Variants in CLUL1 observed in about 807,000 individuals in gnomAD.
CLUL1 encodes the protein clusterin-like protein 1.
A neutral mutation model predicts 49.4 loss-of-function variants in CLUL1; 43 were observed. That is an observed-to-expected ratio of 0.87 (90% CI 0.68 to 1.12). The LOEUF (loss-of-function observed/expected upper bound fraction) is 1.12. Among genes scored for constraint, CLUL1 ranks in the 50% most tolerant of loss-of-function variants. CLUL1 has a pLI of 0.00. For synonymous variants in CLUL1, 192 were observed against 184.9 expected, an observed-to-expected ratio of 1.04 and a Z score of -0.31; for missense variants, 486 against 544.4, an observed-to-expected ratio of 0.89 and a Z score of 1.07.
chr18:637,974 T>A lies in CLUL1; in HGVS notation c.995-3353T>A, dbSNP rs200148269. On this transcript the variant is annotated intron_variant, in intron 7 of 9. Coordinates refer to ENST00000692774, the MANE Select transcript of CLUL1 (RefSeq NM_001393344.1). ...AGAGCGAGACTCTGTCTTGAAAAAATAATAATAATAATAAACAGATAAATA... is the reference window on the plus strand; with the variant it reads ...AGAGCGAGACTCTGTCTTGAAAAAAAAATAATAATAATAAACAGATAAATA... Among the ~76,000 whole-genome samples, 108 of 150,434 alleles carry A rather than the reference T, an allele frequency of 7.2e-4. 1 individual carries two copies. In the East Asian group the frequency reaches 0.017, roughly 23 times the overall value.
chr18:629,064 G>A (rs761974372), intron 6 of CLUL1, among the ~76,000 whole-genome samples: 6 of 152,156 alleles, frequency 3.9e-5, no homozygotes, highest in Non-Finnish European at 7.4e-5. Context: ...CTCTACATAG[G>A]AGAGGTTTAC....
Position 597,137 on chromosome 18 carries a change from C to T in CLUL1, c.-136+8C>T, listed in dbSNP as rs912371410. On this transcript the variant is annotated splice_region_variant and intron_variant, in intron 1 of 9. Coordinates refer to ENST00000692774, the MANE Select transcript of CLUL1 (RefSeq NM_001393344.1). ...GCATCTTAGGAATGACAGGTGAGAA[C>T]ATCCTCCGGGCCCCAGATTTCTCTC... 14 of 152,884 alleles carry T rather than the reference C, an allele frequency of 9.2e-5. No homozygotes were observed. Among genetic ancestry groups the T allele is most frequent in the African/African-American group, 3.4e-4 (14 of 41,480 alleles). The allele number at this position is 152,884 out of a possible 1,614,324, so 9.5% of individuals were successfully genotyped here. A position where few individuals can be genotyped will look rare whatever the true frequency, so the allele number is the denominator to read the frequency against.
intron 1 of CLUL1, among the ~76,000 whole-genome samples, chr18:600,789 A>C (rs1345546960): frequency 6.6e-6 from 1 of 152,232 alleles, no homozygotes; most frequent in Non-Finnish European, 1.5e-5. Context: ...TACAAAACGC[A>C]AGATAACTGT....
rs146349134 is a variant in CLUL1 at position 636,000 on chromosome 18, G to A, written c.994+2565G>A. Among the ~76,000 whole-genome samples the A allele has an allele frequency of 5.1e-3, 779 of 152,196 alleles. 7 individuals are homozygous for A. The highest frequency in any genetic ancestry group is 0.017 in the African/African-American group (706 of 41,514). ...TCCTCCCACCTCAGCCTCCCAAAGC[G>A]CTGGGATTACAGGTGTGAGCCATCG... On this transcript the variant is annotated intron_variant, in intron 7 of 9. Transcript: ENST00000692774.
At chr18:646,858 T>C (rs745902238) in intron 9 of CLUL1, among the ~76,000 whole-genome samples, 3 of 151,990 alleles carry the variant, frequency 2.0e-5, no homozygotes, top group Admixed American at 6.6e-5. Context: ...CAAATGATTC[T>C]TGTGCCTCAG....
intron 3 of CLUL1, among the ~76,000 whole-genome samples, 171 bp from the exon 4 acceptor site, chr18:619,042 G>A (rs2073397709): frequency 6.6e-6 from 1 of 152,136 alleles, no homozygotes; most frequent in East Asian, 1.9e-4. Flanking sequence ...TGGTCCGTGT[G>A]GCAGCTGGGT....
At position 649,905 on chromosome 18, in the gene CLUL1, G is replaced by C; in HGVS notation, c.*4G>C. 1 of 1,242,812 alleles carries C rather than the reference G, an allele frequency of 8.0e-7. No individual in the cohort carries two copies. The highest frequency in any genetic ancestry group is 1.2e-6 in the Non-Finnish European group (1 of 864,068). 77.0% of individuals were successfully genotyped at this position (1,242,812 alleles called of 1,614,324 possible). A position where few individuals can be genotyped will look rare whatever the true frequency, so the allele number is the denominator to read the frequency against. ...TTTTTTTTTTTTTTTAAGGTAAGAA[G>C]ATCTAATGCATCCTATATCCAGTAA... is the stretch of plus-strand genomic sequence containing the variant. On this transcript the variant is annotated 3_prime_UTR_variant, in exon 10 of 10. Coordinates refer to ENST00000692774, the MANE Select transcript of CLUL1 (RefSeq NM_001393344.1).
chr18:637,081 G>T (rs2074162927), intron 7 of CLUL1, among the ~76,000 whole-genome samples: 1 of 151,146 alleles, frequency 6.6e-6, no homozygotes, highest in Non-Finnish European at 1.5e-5. Context: ...CCGCCTTCTG[G>T]GTTCATGCCA....
intron 1 of CLUL1, chr18:598,677 G>C (rs1273495580): frequency 5.0e-6 from 2 of 397,426 alleles, no homozygotes; most frequent in South Asian, 2.6e-4. Context: ...AGCTGGTCCA[G>C]ATTTTCCATG....
intron 2 of CLUL1, 129 bp from the exon 3 acceptor site, chr18:617,859 A>G: frequency 1.4e-6 from 1 of 696,900 alleles, no homozygotes; most frequent in Admixed American, 2.6e-5. Flanking sequence ...GCACATTAGC[A>G]TAAGTTGTCT....
At chr18:644,888 C>A in intron 8 of CLUL1, 22 bp from the exon 9 acceptor site, 1 of 1,558,946 alleles carries the variant, frequency 6.4e-7, no homozygotes, top group Non-Finnish European at 8.7e-7. Flanking sequence ...TAAACTTCTA[C>A]TGTATAATCC....
chr18:633,160 A>G, intron 6 of CLUL1, 138 bp from the exon 7 acceptor site: 1 of 609,510 alleles, frequency 1.6e-6, no homozygotes, highest in Non-Finnish European at 2.6e-6. Context: ...TGTCTCAAAA[A>G]TAAATAAATT....
chr18:616,507 A>T (rs529678358), intron 2 of CLUL1, among the ~76,000 whole-genome samples: 1 of 152,228 alleles, frequency 6.6e-6, no homozygotes, highest in Non-Finnish European at 1.5e-5. Context: ...ACACATTTGT[A>T]TATAGGAAGG....
chr18:645,810 A>AAAAAAAAAAAAT (rs1451607900), intron 9 of CLUL1, among the ~76,000 whole-genome samples: 9 of 29,868 alleles, frequency 3.0e-4, no homozygotes, highest in African/African-American at 4.1e-4. Context: ...AAAAAAAAAA[A>AAAAAAAAAAAAT]ATATATATAT....
intron 7 of CLUL1, among the ~76,000 whole-genome samples, chr18:636,335 TTTAAAA>T (rs2074134933): frequency 6.6e-6 from 1 of 152,198 alleles, no homozygotes. Context: ...ATTAGACGTC[TTTAAAA>T]TTTGACTTTT....
At chr18:639,430 CAAAAAAAAAA>C (rs11357641) in intron 7 of CLUL1, among the ~76,000 whole-genome samples, 20 of 71,948 alleles carry the variant, frequency 2.8e-4, no homozygotes, top group African/African-American at 1.3e-3. Flanking sequence ...GACTCCATCT[CAAAAAAAAAA>C]AAAAAAAAAA....
chr18:604,737 T>C (rs1210616380), intron 1 of CLUL1, among the ~76,000 whole-genome samples: 1 of 152,218 alleles, frequency 6.6e-6, no homozygotes, highest in African/African-American at 2.4e-5. Context: ...TACCCTGACA[T>C]CAAAGAATGA....
At chr18:609,009 C>T (rs1002170520) in intron 2 of CLUL1, among the ~76,000 whole-genome samples, 7 of 152,086 alleles carry the variant, frequency 4.6e-5, no homozygotes, top group South Asian at 2.1e-4. Context: ...ACATGCGTGA[C>T]GCCAAAGTGT....
chr18:635,000 G>A (rs1017431107), intron 7 of CLUL1, among the ~76,000 whole-genome samples: 1 of 152,190 alleles, frequency 6.6e-6, no homozygotes, highest in Non-Finnish European at 1.5e-5. Flanking sequence ...ATGGCTTACA[G>A]TAGGAAATTG....
Sources: gnomAD v4.1 joint callset for allele counts (sites outside exome capture counted in the v4.1 genomes callset) on GRCh38, gnomAD v4.1.1 for gene constraint, MANE v1.5 for transcripts, NCBI Gene and HGNC (gene_info 2026-07-23, HGNC 2026-07-21) for gene names.